SLC22A23: variants seen among roughly 807,000 people sequenced by gnomAD.
The protein encoded by SLC22A23 is solute carrier family 22 member 23.
In SLC22A23, 26 loss-of-function variants were observed where a neutral mutation model predicts 61.0. That is an observed-to-expected ratio of 0.43 (90% CI 0.31 to 0.59). SLC22A23 has a LOEUF of 0.59. Ranked by LOEUF, SLC22A23 falls within the 20% of genes least tolerant of loss-of-function variation. SLC22A23 has a pLI of 0.11. For missense variants in SLC22A23, 796 were observed against 934.7 expected (o/e 0.85, Z 1.94); for synonymous variants, 430 against 413.9 (o/e 1.04, Z -0.47).
At position 3,286,213 on chromosome 6, in the gene SLC22A23, C is replaced by T. The variant is rs1405539988; in HGVS notation, c.1546+646G>A. ...TCCCAAGTTCAAGTGATTCTTCTGCCTCAGCCTCCTGAGTAGCTGGGACTA... is the reference window on the plus strand; with the variant it reads ...TCCCAAGTTCAAGTGATTCTTCTGCTTCAGCCTCCTGAGTAGCTGGGACTA... On this transcript the variant is annotated intron_variant, in intron 7 of 9. Transcript: ENST00000406686. The surrounding 1 kb of genome is among the most constrained non-coding windows in gnomAD (Gnocchi z 4.2). Among the ~76,000 whole-genome samples the T allele has an allele frequency of 6.6e-6, 1 of 151,996 alleles. No homozygotes were observed. Among genetic ancestry groups the T allele is most frequent in the Non-Finnish European group, 1.5e-5 (1 of 68,022 alleles).
intron 5 of SLC22A23, among the ~76,000 whole-genome samples, chr6:3,295,717 C>G (rs114891055): frequency 1.3e-5 from 2 of 152,208 alleles, no homozygotes; most frequent in Admixed American, 6.5e-5. Context: ...CTGAAAGACA[C>G]GCTGCCTTCC....
chr6:3,335,740 T>C (rs991646399), intron 3 of SLC22A23, among the ~76,000 whole-genome samples: 3 of 152,208 alleles, frequency 2.0e-5, no homozygotes, highest in Admixed American at 6.5e-5. Context: ...GCAAAAACCG[T>C]AATTACTTTT....
At chr6:3,291,718 T>C (rs895187579) in intron 5 of SLC22A23, 1 of 152,256 alleles carries the variant, frequency 6.6e-6, no homozygotes, top group East Asian at 1.9e-4. Flanking sequence ...ACAGAAAACC[T>C]TGGATCCAAT....
intron 1 of SLC22A23, among the ~76,000 whole-genome samples, chr6:3,433,056 T>G (rs1770972703): frequency 3.3e-5 from 5 of 151,982 alleles, no homozygotes; most frequent in African/African-American, 1.2e-4. Context: ...TTCATTTGAG[T>G]TTCACTCAAA....
At position 3,304,266 on chromosome 6, in the gene SLC22A23, C is replaced by A. The variant is rs1345143457; in HGVS notation, c.1083-6048G>T. Among the ~76,000 whole-genome samples, 1 of 152,176 alleles carries A rather than the reference C, an allele frequency of 6.6e-6. No individual in the cohort carries two copies. Among genetic ancestry groups the A allele is most frequent in the East Asian group, 1.9e-4 (1 of 5,186 alleles). On this transcript the variant is annotated intron_variant, in intron 4 of 9. Transcript: ENST00000406686. The surrounding 1 kb of genome is among the most constrained non-coding windows in gnomAD (Gnocchi z 4.3). ...CTCTGCCTGCTCCTCAGTGATCACTCCCTCATCTTTGTCATCCTCCAATTG... is the reference window on the plus strand; with the variant it reads ...CTCTGCCTGCTCCTCAGTGATCACTACCTCATCTTTGTCATCCTCCAATTG...
rs181880358 is a variant in SLC22A23 at position 3,363,507 on chromosome 6, C to A, written c.914-39505G>T. On this transcript the variant is annotated intron_variant, in intron 3 of 9. Transcript: ENST00000406686. ...GCAGGAATATGAGTCATGGTTTTGTCCCCGCCCATGGCCTGCTGCTCACCT... is the reference window on the plus strand; with the variant it reads ...GCAGGAATATGAGTCATGGTTTTGTACCCGCCCATGGCCTGCTGCTCACCT... Among the ~76,000 whole-genome samples the A allele has an allele frequency of 8.1e-3, 1,241 of 152,322 alleles. 14 individuals carry two copies. Among genetic ancestry groups the A allele is most frequent in the African/African-American group, 0.028 (1,161 of 41,568 alleles).
At position 3,420,247 on chromosome 6, in the gene SLC22A23, A is replaced by C. The variant is rs1770028668; in HGVS notation, c.655-4392T>G. 2.6e-5 allele frequency among the ~76,000 whole-genome samples: 4 copies of C among 151,916 alleles called. 1 individual carries two copies. The highest frequency in any genetic ancestry group is 2.6e-4 in the Admixed American group (4 of 15,244). ...AGCAAAATGAGAAAAAAAAAAAAAA[A>C]ACCAAAAACTGTGGAGTCAGAGAAC... On this transcript the variant is annotated intron_variant, in intron 1 of 9. Coordinates refer to ENST00000406686, the MANE Select transcript of SLC22A23 (RefSeq NM_015482.2).
chr6:3,362,594 C>G (rs1365703815), intron 3 of SLC22A23, among the ~76,000 whole-genome samples: 4 of 151,884 alleles, frequency 2.6e-5, no homozygotes, highest in African/African-American at 4.8e-5. Flanking sequence ...ACAGCAAAGC[C>G]CCCCATCCCA....
At chr6:3,397,147 C>T (rs1768066153) in intron 3 of SLC22A23, among the ~76,000 whole-genome samples, 1 of 152,246 alleles carries the variant, frequency 6.6e-6, no homozygotes, top group South Asian at 2.1e-4. Context: ...CCCACTCTCC[C>T]ATCCCACACC....
At chr6:3,346,084 G>A (rs1391126652) in intron 3 of SLC22A23, among the ~76,000 whole-genome samples, 2 of 152,136 alleles carry the variant, frequency 1.3e-5, no homozygotes, top group African/African-American at 4.8e-5. Context: ...CAGCCTATGA[G>A]TGATTCAGCC....
intron 3 of SLC22A23, among the ~76,000 whole-genome samples, chr6:3,396,915 T>C (rs751050187): frequency 2.4e-5 from 2 of 84,194 alleles, no homozygotes; most frequent in Non-Finnish European, 6.4e-5. Flanking sequence ...AACCCCAGGA[T>C]ACAGAAAGCC....
chr6:3,343,761 G>A lies in SLC22A23; in HGVS notation c.914-19759C>T, dbSNP rs534713652. ...CTTGGGGAGCTGGCTGTATTTAAGA[G>A]AAGAGCCAATCACTGTCAAACATTG... On this transcript the variant is annotated intron_variant, in intron 3 of 9. Coordinates refer to ENST00000406686, the MANE Select transcript of SLC22A23 (RefSeq NM_015482.2). Among the ~76,000 whole-genome samples the A allele has an allele frequency of 2.6e-5, 4 of 152,260 alleles. No individual in the cohort carries two copies. In the South Asian group the frequency reaches 8.3e-4, roughly 32 times the overall value.
At chr6:3,398,926 G>A (rs1309299064) in intron 3 of SLC22A23, among the ~76,000 whole-genome samples, 2 of 152,162 alleles carry the variant, frequency 1.3e-5, no homozygotes, top group Non-Finnish European at 2.9e-5. Flanking sequence ...ATACTCAGGA[G>A]GCTGAGGCGG....
chr6:3,421,876 C>T (rs975036439), intron 1 of SLC22A23, among the ~76,000 whole-genome samples: 1 of 152,310 alleles, frequency 6.6e-6, no homozygotes, highest in Admixed American at 6.5e-5. Context: ...CTGAAAGTGA[C>T]TGGGAACAAA....
At chr6:3,401,585 G>C (rs1262122263) in intron 3 of SLC22A23, among the ~76,000 whole-genome samples, 1 of 152,128 alleles carries the variant, frequency 6.6e-6, no homozygotes, top group African/African-American at 2.4e-5. Flanking sequence ...GACCTACTGG[G>C]CAATCTTTGC....
chr6:3,435,155 G>A (rs756631760), intron 1 of SLC22A23, among the ~76,000 whole-genome samples: 2 of 152,120 alleles, frequency 1.3e-5, no homozygotes, highest in Non-Finnish European at 2.9e-5. Context: ...CCAAATCTCA[G>A]CTCCAGCAGG....
intron 3 of SLC22A23, among the ~76,000 whole-genome samples, chr6:3,403,581 C>T (rs891092890): frequency 6.6e-6 from 1 of 152,168 alleles, no homozygotes; most frequent in South Asian, 2.1e-4. Flanking sequence ...ACTGGCGCAG[C>T]AGCCACACAG....
chr6:3,284,022 G>A (rs1759734515), intron 8 of SLC22A23, 47 bp from the exon 9 acceptor site: 1 of 1,565,038 alleles, frequency 6.4e-7, no homozygotes, highest in Non-Finnish European at 8.7e-7. Context: ...AGGAAGCCAG[G>A]CCAGGGTGGG....
chr6:3,403,646 C>T (rs1004049896), intron 3 of SLC22A23, among the ~76,000 whole-genome samples: 13 of 152,176 alleles, frequency 8.5e-5, no homozygotes, highest in Non-Finnish European at 1.2e-4. Context: ...TTGAGACTGG[C>T]ACATCTAGGG....
Sources: gnomAD v4.1 joint callset for allele counts (sites outside exome capture counted in the v4.1 genomes callset) on GRCh38, gnomAD v4.1.1 for gene constraint, Gnocchi (gnomAD v3.1) non-coding constraint, MANE v1.5 for transcripts, NCBI Gene and HGNC (gene_info 2026-07-23, HGNC 2026-07-21) for gene names.